CHSY3: variants seen among roughly 807,000 people sequenced by gnomAD.
The protein encoded by CHSY3 is chondroitin sulfate synthase 3.
A neutral mutation model predicts 67.2 loss-of-function variants in CHSY3; 35 were observed. The observed-to-expected ratio is 0.52, with a 90% CI of 0.40 to 0.69. CHSY3 has a LOEUF of 0.69. CHSY3 is among the 30% of genes least tolerant of loss of function. The probability of loss-of-function intolerance (pLI) is 0.00; values close to 1 mark genes in which losing one functional copy is unlikely to be tolerated. For missense variants in CHSY3, 1,069 were observed against 1,138.5 expected (o/e 0.94, Z 0.88); for synonymous variants, 474 against 434.7 (o/e 1.09, Z -1.12).
intron 2 of CHSY3, among the ~76,000 whole-genome samples, chr5:130,112,842 T>A (rs1767631677): frequency 6.6e-6 from 1 of 152,130 alleles, no homozygotes; most frequent in Non-Finnish European, 1.5e-5. Flanking sequence ...TCACTATGCC[T>A]TTGACCACAA....
At chr5:130,000,622 G>T (rs112332967) in intron 2 of CHSY3, among the ~76,000 whole-genome samples, 2,944 of 150,038 alleles carry the variant, frequency 0.02, 36 homozygotes, top group South Asian at 0.05. Flanking sequence ...ACCCAGGCTG[G>T]AGTGCAGTGG....
At chr5:129,920,900 C>T (rs528440354) in intron 2 of CHSY3, among the ~76,000 whole-genome samples, 1 of 152,172 alleles carries the variant, frequency 6.6e-6, no homozygotes, top group South Asian at 2.1e-4. Flanking sequence ...CCCTCTGCAG[C>T]CTCGACTTCC....
chr5:130,022,118 A>T (rs769248392), intron 2 of CHSY3, among the ~76,000 whole-genome samples: 3 of 152,032 alleles, frequency 2.0e-5, no homozygotes, highest in Non-Finnish European at 4.4e-5. Flanking sequence ...TGAATTCGAC[A>T]ATTTGATTTA....
At chr5:130,078,286 T>C (rs1347743586) in intron 2 of CHSY3, among the ~76,000 whole-genome samples, 2 of 152,032 alleles carry the variant, frequency 1.3e-5, no homozygotes, top group African/African-American at 4.8e-5. Context: ...ACACCAAATA[T>C]AATTTTCATA....
intron 2 of CHSY3, among the ~76,000 whole-genome samples, chr5:129,942,285 G>T (rs985328497): frequency 1.3e-5 from 2 of 152,060 alleles, no homozygotes; most frequent in Admixed American, 1.3e-4. Flanking sequence ...ACAGTATATA[G>T]TACCACAGTA....
intron 2 of CHSY3, among the ~76,000 whole-genome samples, chr5:129,915,830 C>T (rs1760713661): frequency 6.6e-6 from 1 of 152,058 alleles, no homozygotes; most frequent in Non-Finnish European, 1.5e-5. Flanking sequence ...TGTTGGGTTC[C>T]TGTTTTCCTG....
chr5:129,905,439 G>GAGTT lies in CHSY3; in HGVS notation c.611_614dup (p.Phe205LeufsTer52). The GAGTT allele has an allele frequency of 6.2e-7, 1 of 1,611,872 alleles. No homozygotes were observed. Among genetic ancestry groups the GAGTT allele is most frequent in the Non-Finnish European group, 8.5e-7 (1 of 1,179,872 alleles). On this transcript the variant is annotated frameshift_variant, in exon 1 of 3. Transcript: ENST00000305031. LOFTEE classifies it high-confidence loss of function. ...GGCGCGTTTCATCCCGGGCCGCGTG[G>GAGTT]AGTTCTTTTCCAGCCAGCAGCCCCC...
intron 2 of CHSY3, among the ~76,000 whole-genome samples, chr5:130,156,216 T>C (rs1169869919): frequency 6.6e-6 from 1 of 152,190 alleles, no homozygotes; most frequent in Non-Finnish European, 1.5e-5. Context: ...TATTTCTAAC[T>C]TGCAGTCACA....
chr5:130,133,415 C>G (rs1024933249), intron 2 of CHSY3, among the ~76,000 whole-genome samples: 11 of 152,064 alleles, frequency 7.2e-5, no homozygotes, highest in African/African-American at 1.9e-4. Flanking sequence ...ATTAGTGAAC[C>G]ATTACAATCT....
chr5:130,089,281 G>A (rs1766790205), intron 2 of CHSY3, among the ~76,000 whole-genome samples: 1 of 150,048 alleles, frequency 6.7e-6, no homozygotes, highest in Non-Finnish European at 1.5e-5. Context: ...TAAATGACGA[G>A]TTAATGGGTG....
intron 2 of CHSY3, among the ~76,000 whole-genome samples, chr5:130,076,935 T>C (rs576062998): frequency 6.8e-5 from 8 of 117,200 alleles, no homozygotes. Flanking sequence ...CTTCACACTC[T>C]GGGGACTGTT....
intron 2 of CHSY3, among the ~76,000 whole-genome samples, chr5:130,050,866 T>G (rs1765322021): frequency 6.6e-6 from 1 of 152,122 alleles, no homozygotes; most frequent in Non-Finnish European, 1.5e-5. Flanking sequence ...TTTATTTGTC[T>G]TTTTCACTAT....
At chr5:130,103,572 A>C (rs1767319157) in intron 2 of CHSY3, among the ~76,000 whole-genome samples, 1 of 152,004 alleles carries the variant, frequency 6.6e-6, no homozygotes, top group Non-Finnish European at 1.5e-5. Context: ...TGTGTTATCC[A>C]GTATTTTAAG....
chr5:129,929,167 A>C (rs1761215596), intron 2 of CHSY3, among the ~76,000 whole-genome samples: 2 of 152,368 alleles, frequency 1.3e-5, no homozygotes, highest in South Asian at 4.1e-4. Flanking sequence ...GTAAAGGCCC[A>C]GAATGAACTA....
intron 2 of CHSY3, among the ~76,000 whole-genome samples, chr5:130,153,905 T>TG (rs1769299205): frequency 1.3e-5 from 2 of 148,276 alleles, no homozygotes; most frequent in African/African-American, 5.2e-5. Flanking sequence ...GATTTCTGGC[T>TG]GTTTTTGTTT....
At chr5:130,064,193 A>T (rs1765806126) in intron 2 of CHSY3, among the ~76,000 whole-genome samples, 1 of 152,122 alleles carries the variant, frequency 6.6e-6, no homozygotes, top group Non-Finnish European at 1.5e-5. Flanking sequence ...AGTAGCCCAT[A>T]AGATGATAGA....
intron 2 of CHSY3, among the ~76,000 whole-genome samples, chr5:130,139,106 G>A (rs527970982): frequency 2.3e-4 from 35 of 152,236 alleles, no homozygotes; most frequent in African/African-American, 8.2e-4. Context: ...TCTAAACATA[G>A]AAAAGTTAAT....
At chr5:130,136,159 G>C (rs546561753) in intron 2 of CHSY3, among the ~76,000 whole-genome samples, 1 of 152,192 alleles carries the variant, frequency 6.6e-6, no homozygotes, top group Admixed American at 6.5e-5. Flanking sequence ...AGTGAGAAAG[G>C]CTTCACCAAG....
At chr5:130,024,583 T>G (rs1764485946) in intron 2 of CHSY3, among the ~76,000 whole-genome samples, 1 of 152,150 alleles carries the variant, frequency 6.6e-6, no homozygotes, top group Non-Finnish European at 1.5e-5. Context: ...AGATAGTCAT[T>G]CAAATTATGT....
Sources: gnomAD v4.1 joint callset for allele counts (sites outside exome capture counted in the v4.1 genomes callset) on GRCh38, gnomAD v4.1.1 for gene constraint, MANE v1.5 for transcripts, NCBI Gene and HGNC (gene_info 2026-07-23, HGNC 2026-07-21) for gene names.